The following LARGE1 variants were observed in gnomAD, a reference collection of about 807,000 sequenced individuals.
LARGE1 encodes the protein xylosyl- and glucuronyltransferase LARGE1.
In LARGE1, 43 loss-of-function variants were observed where a neutral mutation model predicts 87.6. The observed-to-expected ratio is 0.49, with a 90% CI of 0.38 to 0.63. The LOEUF (loss-of-function observed/expected upper bound fraction) is 0.63. LARGE1 is among the 30% of genes least tolerant of loss of function. The pLI, the probability that LARGE1 is intolerant of heterozygous loss-of-function variation, is 0.00. For missense variants in LARGE1, 802 were observed against 1,000.2 expected (o/e 0.80, Z 2.67); for synonymous variants, 434 against 394.6 (o/e 1.10, Z -1.18).
intron 1 of LARGE1, among the ~76,000 whole-genome samples, chr22:33,831,629 G>C (rs746162729): frequency 3.3e-5 from 5 of 152,028 alleles, no homozygotes; most frequent in Non-Finnish European, 7.4e-5. Flanking sequence ...GTATTCCTAA[G>C]TTTTTAAAAA....
intron 1 of LARGE1, among the ~76,000 whole-genome samples, chr22:33,858,063 G>A (rs914741220): frequency 2.0e-4 from 31 of 152,200 alleles, no homozygotes; most frequent in African/African-American, 7.5e-4. Context: ...GCCATGTGGT[G>A]AGTGTTATAG....
intron 11 of LARGE1, among the ~76,000 whole-genome samples, chr22:33,184,908 C>T (rs1923393822): frequency 1.3e-5 from 2 of 152,066 alleles, no homozygotes; most frequent in South Asian, 2.1e-4. Flanking sequence ...TTAACCATAT[C>T]GAATGCAGAC....
chr22:33,284,474 C>T (rs772491114), intron 12 of LARGE1, among the ~76,000 whole-genome samples: 2 of 152,116 alleles, frequency 1.3e-5, no homozygotes, highest in African/African-American at 2.4e-5. Context: ...CGATCCTGCA[C>T]GCCTGGGTTT....
the LARGE1 span, among the ~76,000 whole-genome samples, chr22:33,133,024 C>T: frequency 1.3e-5 from 2 of 152,020 alleles, no homozygotes; most frequent in South Asian, 4.1e-4. Flanking sequence ...AATTAGGCCT[C>T]CTTTATTTCT....
At chr22:33,310,997 G>A (rs979178262) in intron 11 of LARGE1, among the ~76,000 whole-genome samples, 1 of 148,726 alleles carries the variant, frequency 6.7e-6, no homozygotes, top group African/African-American at 2.5e-5. Context: ...GTCTCGCTTT[G>A]TTGCCCAGGC....
At chr22:33,674,285 A>G (rs1054825954) in intron 2 of LARGE1, among the ~76,000 whole-genome samples, 2 of 152,128 alleles carry the variant, frequency 1.3e-5, no homozygotes, top group African/African-American at 4.8e-5. Context: ...GGTGGACACC[A>G]TTCCACTTTC....
intron 1 of LARGE1, among the ~76,000 whole-genome samples, chr22:33,814,639 A>G (rs1182872174): frequency 6.6e-6 from 1 of 152,188 alleles, no homozygotes; most frequent in Admixed American, 6.5e-5. Context: ...TTTCTGCCCA[A>G]GAGTCCAGCC....
chr22:33,329,448 G>A (rs902302184), intron 10 of LARGE1, among the ~76,000 whole-genome samples: 1 of 151,810 alleles, frequency 6.6e-6, no homozygotes, highest in African/African-American at 2.4e-5. Context: ...GGGGGGAAGG[G>A]GGCGTTGGCT....
chr22:33,549,765 T>C (rs548428761), intron 6 of LARGE1, among the ~76,000 whole-genome samples: 426 of 152,102 alleles, frequency 2.8e-3, no homozygotes, highest in Non-Finnish European at 3.5e-3. Flanking sequence ...GAAAAAGAAG[T>C]TGTGGTGTTC....
chr22:33,290,593 C>T (rs1932355555), intron 12 of LARGE1, among the ~76,000 whole-genome samples: 1 of 152,152 alleles, frequency 6.6e-6, no homozygotes, highest in African/African-American at 2.4e-5. Flanking sequence ...GAGTCACCGG[C>T]AGTTGGAGGT....
intron 6 of LARGE1, among the ~76,000 whole-genome samples, chr22:33,485,144 C>T (rs1027350193): frequency 6.6e-6 from 1 of 151,772 alleles, no homozygotes; most frequent in South Asian, 2.1e-4. Context: ...AACTCCTTAG[C>T]TCAGGCAATG....
chr22:33,544,616 A>G (rs2077301571), intron 6 of LARGE1, among the ~76,000 whole-genome samples: 1 of 152,080 alleles, frequency 6.6e-6, no homozygotes, highest in Non-Finnish European at 1.5e-5. Context: ...CTGGAGGTGG[A>G]GGTTGCAGTG....
intron 1 of LARGE1, among the ~76,000 whole-genome samples, chr22:33,807,863 C>G (rs1229883355): frequency 6.6e-6 from 1 of 152,148 alleles, no homozygotes; most frequent in Admixed American, 6.5e-5. Flanking sequence ...GAATAATATT[C>G]CATTGCCTGG....
intron 11 of LARGE1, among the ~76,000 whole-genome samples, chr22:33,203,087 CTCTCTCTCTCTCTCTGTGTGTGTGTGTG>C (rs1471769566): frequency 3.7e-5 from 5 of 134,028 alleles, no homozygotes; most frequent in African/African-American, 1.4e-4. Context: ...CTCTCTCTCT[CTCTCTCTCTCTCTCTGTGTGTGTGTGTG>C]TGTGTGTGTG....
chr22:33,798,675 G>A (rs1299948254), intron 1 of LARGE1, among the ~76,000 whole-genome samples: 2 of 152,112 alleles, frequency 1.3e-5, no homozygotes, highest in East Asian at 1.9e-4. Flanking sequence ...TGAAGAGGAT[G>A]GTGTAATCAT....
At chr22:33,329,271 C>G (rs1367167980) in intron 10 of LARGE1, among the ~76,000 whole-genome samples, 9 of 151,840 alleles carry the variant, frequency 5.9e-5, no homozygotes, top group African/African-American at 2.2e-4. Flanking sequence ...TGGCTGTTGA[C>G]TTACAATTCC....
chr22:33,890,545 C>T (rs1445812875), intron 1 of LARGE1, among the ~76,000 whole-genome samples: 1 of 152,028 alleles, frequency 6.6e-6, no homozygotes, highest in Non-Finnish European at 1.5e-5. Context: ...CAGAACTTCA[C>T]CAAAATCTCA....
intron 7 of LARGE1, among the ~76,000 whole-genome samples, chr22:33,391,307 C>A (rs2065513732): frequency 6.6e-6 from 1 of 152,048 alleles, no homozygotes; most frequent in South Asian, 2.1e-4. Flanking sequence ...TCTCAGGGAG[C>A]AAGGCCTGAT....
At chr22:33,400,830 G>T (rs1311064262) in intron 7 of LARGE1, among the ~76,000 whole-genome samples, 1 of 152,244 alleles carries the variant, frequency 6.6e-6, no homozygotes, top group African/African-American at 2.4e-5. Flanking sequence ...AGGGAGGTGT[G>T]CAGAGGTCAC....
Sources: allele counts gnomAD v4.1 joint callset (sites outside exome capture counted in the v4.1 genomes callset), GRCh38; gene constraint gnomAD v4.1.1; transcripts MANE v1.5; gene names NCBI Gene and HGNC (gene_info 2026-07-23, HGNC 2026-07-21).